Variants in TRHDE observed in about 807,000 individuals in gnomAD.
TRHDE encodes thyrotropin-releasing hormone-degrading ectoenzyme.
A neutral mutation model predicts 125.7 loss-of-function variants in TRHDE; 72 were observed. The ratio of observed to expected loss-of-function variants is 0.57; its 90% CI spans 0.47 to 0.70. The LOEUF (loss-of-function observed/expected upper bound fraction) is 0.70. Ranked by LOEUF, TRHDE falls within the 30% of genes least tolerant of loss-of-function variation. The pLI is 0.00. For missense variants in TRHDE, 1,110 were observed against 1,327.1 expected, an observed-to-expected ratio of 0.84 and a Z score of 2.54; for synonymous variants, 509 against 509.1, an observed-to-expected ratio of 1.00 and a Z score of 0.00.
At chr12:72,276,763 C>A (rs1365610671) in intron 1 of TRHDE, among the ~76,000 whole-genome samples, 1 of 152,164 alleles carries the variant, frequency 6.6e-6, no homozygotes, top group Admixed American at 6.5e-5. Context: ...AAAATAAATT[C>A]TCCTAAAATC....
In TRHDE at chr12:72,273,138, G is replaced by A. The variant is rs1264270721; in HGVS notation, c.495G>A (p.Thr165=). Residue 165 remains threonine, a synonymous_variant, in exon 1 of 19, where the codon ACG becomes ACA. Coordinates refer to ENST00000261180, the MANE Select transcript of TRHDE (RefSeq NM_013381.3). This position sits in a 1 kb window ranked among gnomAD's most constrained non-coding sequence, Gnocchi z 5.3. ...EAGGVASPGT[T]SAQPPSEEER... The stretch of plus-strand genomic sequence containing the variant: ...GTGGGGTGGCCAGTCCGGGGACCAC[G>A]TCGGCCCAGCCGCCGTCGGAGGAGG... 2 of 1,559,502 alleles carry A rather than the reference G, an allele frequency of 1.3e-6. No homozygotes were observed. Among genetic ancestry groups the A allele is most frequent in the Admixed American group, 1.8e-5 (1 of 56,798 alleles).
At chr12:72,373,728 G>C (rs1057117841) in intron 2 of TRHDE, among the ~76,000 whole-genome samples, 1 of 152,118 alleles carries the variant, frequency 6.6e-6, no homozygotes, top group Admixed American at 6.6e-5. Flanking sequence ...GGCTATCTAG[G>C]GGAAAACTCA....
intron 1 of TRHDE, among the ~76,000 whole-genome samples, chr12:72,091,707 G>T (rs542395327): frequency 5.9e-5 from 9 of 152,314 alleles, no homozygotes; most frequent in African/African-American, 1.2e-4. Context: ...AACGCAGAAT[G>T]TTGGCAAACT....
At chr12:72,326,696 A>G (rs1227531150) in intron 2 of TRHDE, among the ~76,000 whole-genome samples, 1 of 152,218 alleles carries the variant, frequency 6.6e-6, no homozygotes, top group Non-Finnish European at 1.5e-5. Flanking sequence ...AATCACAAGT[A>G]ACTCTTCCCC....
intron 2 of TRHDE, among the ~76,000 whole-genome samples, chr12:72,124,679 A>G (rs1875671648): frequency 6.6e-6 from 1 of 152,194 alleles, no homozygotes; most frequent in Non-Finnish European, 1.5e-5. Context: ...GCTACGGTGG[A>G]ACATTTAGAT....
chr12:72,150,744 C>A (rs1876341453), intron 2 of TRHDE, among the ~76,000 whole-genome samples: 1 of 152,010 alleles, frequency 6.6e-6, no homozygotes, highest in Non-Finnish European at 1.5e-5. Context: ...TTTTTTATGG[C>A]TGCATAGTAT....
At chr12:72,293,186 A>G (rs1880154510) in intron 2 of TRHDE, among the ~76,000 whole-genome samples, 3 of 151,264 alleles carry the variant, frequency 2.0e-5, no homozygotes, top group Non-Finnish European at 4.4e-5. Context: ...TCTAATGTTG[A>G]TGGGAATATT....
intron 2 of TRHDE, chr12:72,258,132 T>C (rs1377160481): frequency 3.9e-5 from 6 of 152,112 alleles, no homozygotes; most frequent in Non-Finnish European, 8.8e-5. Context: ...TTACTTTATG[T>C]TCAGAATAGG....
At chr12:72,458,140 C>T (rs957934458) in intron 3 of TRHDE, among the ~76,000 whole-genome samples, 6 of 152,008 alleles carry the variant, frequency 3.9e-5, no homozygotes, top group African/African-American at 1.4e-4. Context: ...ATATGTGATT[C>T]GATTTGGTGT....
intron 3 of TRHDE, among the ~76,000 whole-genome samples, chr12:72,379,055 C>T (rs925209710): frequency 2.0e-5 from 3 of 152,118 alleles, no homozygotes; most frequent in African/African-American, 4.8e-5. Flanking sequence ...TCAGATTCCA[C>T]GTTAAAGGTA....
chr12:72,447,939 A>T (rs1358209551), intron 3 of TRHDE, among the ~76,000 whole-genome samples: 1 of 152,014 alleles, frequency 6.6e-6, no homozygotes, highest in Non-Finnish European at 1.5e-5. Context: ...TAACTGTAAC[A>T]CTTCTAATTT....
chr12:72,271,544 C>T (rs908396181), upstream of TRHDE, among the ~76,000 whole-genome samples: 2 of 152,126 alleles, frequency 1.3e-5, no homozygotes, highest in Admixed American at 1.3e-4. Context: ...TCTGGTGTGA[C>T]AGAGCGGAGA....
At chr12:72,477,937 G>A (rs1396272257) in intron 5 of TRHDE, among the ~76,000 whole-genome samples, 1 of 152,090 alleles carries the variant, frequency 6.6e-6, no homozygotes, top group Non-Finnish European at 1.5e-5. Flanking sequence ...CATTAAACAT[G>A]AGTGTATGTT....
At chr12:72,564,562 AG>A (rs1375187914) in intron 9 of TRHDE, among the ~76,000 whole-genome samples, 2 of 151,866 alleles carry the variant, frequency 1.3e-5, no homozygotes, top group Non-Finnish European at 2.9e-5. Context: ...GATTCTTTAA[AG>A]GAAGAATTTC....
chr12:72,247,344 G>A (rs1301597496), intron 2 of TRHDE, among the ~76,000 whole-genome samples: 2 of 152,160 alleles, frequency 1.3e-5, no homozygotes, highest in Non-Finnish European at 1.5e-5. Flanking sequence ...GGATATGGAG[G>A]GCTGACTGTA....
At chr12:72,408,725 A>G (rs1401424378) in intron 3 of TRHDE, among the ~76,000 whole-genome samples, 1 of 152,204 alleles carries the variant, frequency 6.6e-6, no homozygotes, top group East Asian at 1.9e-4. Context: ...TCAAACTTTT[A>G]CAAAAGAGAA....
rs1178029596 is a variant in TRHDE at position 72,272,803 on chromosome 12, C to G, written c.160C>G (p.Arg54Gly). 6.4e-7 allele frequency: 1 copy of G among 1,563,566 alleles called. No individual in the cohort carries two copies. Among genetic ancestry groups the G allele is most frequent in the Admixed American group, 1.7e-5 (1 of 58,024 alleles). ...AAMGEDDAAL[R>G]AGSRGLSDPW... The stretch of plus-strand genomic sequence containing the variant: ...GATGGGGGAAGACGACGCCGCGCTT[C>G]GGGCTGGCAGCAGGGGGCTCTCCGA... The change falls in exon 1 of 19, where the codon CGG (arginine) becomes GGG (glycine). Residue 54 changes from arginine to glycine, a missense_variant. Arg to Gly is a moderately radical substitution (Grantham distance 125). Around this residue, in one of 5 missense-constraint regions of TRHDE, gnomAD observed 248 missense variants for 240.8 expected, o/e 1.03. Transcript: ENST00000261180. The surrounding 1 kb of genome is among the most constrained non-coding windows in gnomAD (Gnocchi z 6.7).
In TRHDE at chr12:72,628,197, G is replaced by A. The variant is rs181452413; in HGVS notation, c.2675+6446G>A. On this transcript the variant is annotated intron_variant, in intron 15 of 18. Transcript: ENST00000261180. ...TGGGGTAGACCAATGCTAATCAGAC[G>A]TCAGATGTAATACAAATAATGTAGT... Among the ~76,000 whole-genome samples the A allele has an allele frequency of 5.3e-5, 8 of 151,868 alleles. No individual in the cohort carries two copies. The East Asian group carries it at 7.8e-4, about 15-fold the overall frequency.
chr12:72,329,730 A>T (rs1190472628), intron 2 of TRHDE, among the ~76,000 whole-genome samples: 2 of 152,226 alleles, frequency 1.3e-5, no homozygotes, highest in Non-Finnish European at 2.9e-5. Flanking sequence ...TGGATGGAGA[A>T]AAAAGAGGTT....
Sources: gnomAD v4.1 joint callset for allele counts (sites outside exome capture counted in the v4.1 genomes callset) on GRCh38, gnomAD v4.1.1 for gene constraint, gnomAD v4.1.1 regional missense constraint, Gnocchi (gnomAD v3.1) non-coding constraint, MANE v1.5 for transcripts, NCBI Gene and HGNC (gene_info 2026-07-23, HGNC 2026-07-21) for gene names.